The following CAVIN4 variants were observed in gnomAD, a reference collection of about 807,000 sequenced individuals.
The protein encoded by CAVIN4 is caveolae-associated protein 4.
In CAVIN4, 10 loss-of-function variants were observed where a neutral mutation model predicts 18.6. That is an observed-to-expected ratio of 0.54 (90% confidence interval 0.33 to 0.91). CAVIN4 has a LOEUF of 0.91. Among genes scored for constraint, CAVIN4 ranks in the 40% least tolerant of loss-of-function variants. The pLI is 0.02. For synonymous variants in CAVIN4, 173 were observed against 164.8 expected, an observed-to-expected ratio of 1.05 and a Z score of -0.38; for missense variants, 459 against 440.5, an observed-to-expected ratio of 1.04 and a Z score of -0.38.
In CAVIN4 at chr9:100,586,070, A is replaced by AGAGAGGCTGAGACAGTCAGGG. The variant is rs746462546; in HGVS notation, c.742_762dup (p.Leu248_Arg254dup). 10 of 1,603,546 alleles carry AGAGAGGCTGAGACAGTCAGGG rather than the reference A, an allele frequency of 6.2e-6. No homozygotes were observed. In the Admixed American group the frequency reaches 6.7e-5, roughly 11 times the overall value. ...GGAGAGAGAGGCTAAGGCAGTCAGG[A>AGAGAGGCTGAGACAGTCAGGG]GAGAGGCTGAGACAGTCAGGGGAGA... On this transcript the variant is annotated inframe_insertion, in exon 2 of 2. Transcript: ENST00000307584.
chr9:100,581,976 A>T (rs1392271160), intron 1 of CAVIN4, among the ~76,000 whole-genome samples: 1 of 152,206 alleles, frequency 6.6e-6, no homozygotes, highest in African/African-American at 2.4e-5. Flanking sequence ...AAAGAATTTA[A>T]TTTTAAATAA....
rs965605234 is a variant in CAVIN4 at position 100,588,073 on chromosome 9, T to G, written c.*1622T>G. Among the ~76,000 whole-genome samples the G allele has an allele frequency of 2.0e-5, 3 of 152,160 alleles. No homozygotes were observed. Among genetic ancestry groups the G allele is most frequent in the Non-Finnish European group, 4.4e-5 (3 of 68,012 alleles). The stretch of plus-strand genomic sequence containing the variant: ...TCAGATCAGTTTTTGGATAATCATA[T>G]GGTAGTTAAAATAATAAGTGTACAC... On this transcript the variant is annotated 3_prime_UTR_variant, in exon 2 of 2. Coordinates refer to ENST00000307584, the MANE Select transcript of CAVIN4 (RefSeq NM_001018116.2).
At chr9:100,580,863 A>C (rs1340690129) in intron 1 of CAVIN4, among the ~76,000 whole-genome samples, 4 of 152,250 alleles carry the variant, frequency 2.6e-5, no homozygotes, top group African/African-American at 4.8e-5. Context: ...TAGAACTCTG[A>C]TTCAAAGATT....
At chr9:100,581,926 C>T (rs953897031) in intron 1 of CAVIN4, among the ~76,000 whole-genome samples, 4 of 152,164 alleles carry the variant, frequency 2.6e-5, no homozygotes, top group African/African-American at 4.8e-5. Context: ...GACGCCCACC[C>T]CTGCCTTTTT....
rs2118614144 is a variant in CAVIN4, at chr9:100,585,818, T to A, written c.462T>A (p.Thr154=). The change falls in exon 2 of 2, where the codon ACT becomes ACA. Residue 154 remains threonine, a synonymous_variant. Transcript: ENST00000307584. ...SLSVVKDRNL[T]ENQEEDDDDI... is the part of the protein sequence containing the mutation. Reference sequence around the variant, plus strand: ...CTGTTGTTAAAGACAGAAACCTAACTGAGAACCAAGAAGAGGATGATGATG... The same window carrying A: ...CTGTTGTTAAAGACAGAAACCTAACAGAGAACCAAGAAGAGGATGATGATG... 6.2e-7 allele frequency: 1 copy of A among 1,614,090 alleles called. No homozygotes were observed. Among genetic ancestry groups the A allele is most frequent in the Non-Finnish European group, 8.5e-7 (1 of 1,180,016 alleles).
chr9:100,577,852 T>C (rs754112234), upstream of CAVIN4, among the ~76,000 whole-genome samples: 4 of 152,206 alleles, frequency 2.6e-5, no homozygotes, highest in African/African-American at 4.8e-5. Flanking sequence ...ATTAGTTACA[T>C]GGTGGCTTTA....
intron 1 of CAVIN4, among the ~76,000 whole-genome samples, chr9:100,582,221 T>C (rs1414049089): frequency 6.6e-6 from 1 of 152,216 alleles, no homozygotes; most frequent in Non-Finnish European, 1.5e-5. Flanking sequence ...CCTATTCAGT[T>C]GGGTTCCTCT....
chr9:100,579,727 T>C (rs1238436809), intron 1 of CAVIN4, among the ~76,000 whole-genome samples: 1 of 152,152 alleles, frequency 6.6e-6, no homozygotes. Context: ...TAAAAATGAG[T>C]ACTTATGTAC....
Position 100,585,949 on chromosome 9 carries a change from T to C in CAVIN4, c.593T>C (p.Ile198Thr). The C allele has an allele frequency of 6.2e-7, 1 of 1,614,010 alleles. No individual in the cohort carries two copies. Among genetic ancestry groups the C allele is most frequent in the South Asian group, 1.1e-5 (1 of 91,054 alleles). The change falls in exon 2 of 2, where the codon ATC becomes ACC. Residue 198 changes from isoleucine to threonine, a missense_variant. Physicochemically the swap from Ile to Thr is moderately conservative, Grantham distance 89. Coordinates refer to ENST00000307584, the MANE Select transcript of CAVIN4 (RefSeq NM_001018116.2). ...TCAGGCAAGGAGCACATTGATAATA[T>C]CAAGAAGGCATTTTCCAAAGAAAAC... ...RKSGKEHIDN[I>T]KKAFSKENMQ... is the part of the protein sequence containing the mutation.
Position 100,586,426 on chromosome 9 carries a change from T to G in CAVIN4, c.1070T>G (p.Leu357Trp). ...QVKVEDDESL[L>W]LDLKHSS ...AAAGTAGAGGATGATGAATCTCTTT[T>G]GTTAGATTTAAAGCACTCATCGTAA... The change falls in exon 2 of 2, where the codon TTG becomes TGG. Residue 357 changes from leucine (L) to tryptophan (W), a missense_variant. By Grantham distance (61) the Leu-to-Trp change is moderately conservative. Transcript: ENST00000307584. The G allele has an allele frequency of 2.5e-6, 4 of 1,613,840 alleles. No individual in the cohort carries two copies. Among genetic ancestry groups the G allele is most frequent in the Non-Finnish European group, 2.5e-6 (3 of 1,180,010 alleles).
chr9:100,581,728 C>A (rs1390056320), intron 1 of CAVIN4, among the ~76,000 whole-genome samples: 5 of 152,154 alleles, frequency 3.3e-5, no homozygotes, highest in African/African-American at 1.2e-4. Context: ...TATCTGATTT[C>A]TTCACAGCAA....
intron 1 of CAVIN4, chr9:100,581,202 G>A (rs1454635923): frequency 6.6e-6 from 1 of 152,142 alleles, no homozygotes; most frequent in African/African-American, 2.4e-5. Flanking sequence ...CTTGACCAAA[G>A]ACTGGTCCTC....
chr9:100,578,476 A>C lies in CAVIN4; in HGVS notation c.333A>C (p.Gln111His), dbSNP rs1486495342. 6.2e-7 allele frequency: 1 copy of C among 1,613,878 alleles called. No individual in the cohort carries two copies. The highest frequency in any genetic ancestry group is 8.5e-7 in the Non-Finnish European group (1 of 1,179,972). ...KDVKARVEKQ[Q>H]IHVKKVEVKQ... ...TGAAAGCCCGGGTGGAGAAGCAACA[A>C]ATTCATGTTAAAAAAGTTGAAGTCA... The change falls in exon 1 of 2, where the codon CAA becomes CAC. Residue 111 changes from glutamine (Q) to histidine (H), a missense_variant. By Grantham distance (24) the Gln-to-His change is conservative (BLOSUM62 0). Transcript: ENST00000307584.
intron 1 of CAVIN4, among the ~76,000 whole-genome samples, chr9:100,585,018 C>T (rs1839462684): frequency 6.6e-6 from 1 of 152,146 alleles, no homozygotes; most frequent in Non-Finnish European, 1.5e-5. Flanking sequence ...AATTTGAGCT[C>T]TTCGTTGAGT....
At chr9:100,579,243 A>G (rs1564032750) in intron 1 of CAVIN4, among the ~76,000 whole-genome samples, 1 of 152,198 alleles carries the variant, frequency 6.6e-6, no homozygotes, top group African/African-American at 2.4e-5. Flanking sequence ...CTAAGTTCCC[A>G]TATTATTCTG....
upstream of CAVIN4, chr9:100,578,027 T>C (rs1226591): frequency 0.39 from 373,645 of 946,874 alleles, 77,032 homozygotes; most frequent in Admixed American, 0.49. Context: ...GACCGTTCTC[T>C]AGGGGTGGGG....
Position 100,586,140 on chromosome 9 carries a change from G to A in CAVIN4, c.784G>A (p.Ala262Thr), listed in dbSNP as rs1324156994. 9 of 1,579,762 alleles carry A rather than the reference G, an allele frequency of 5.7e-6. No individual in the cohort carries two copies. Among genetic ancestry groups the A allele is most frequent in the Non-Finnish European group, 7.7e-6 (9 of 1,164,878 alleles). Residue 262 changes from alanine to threonine, a missense_variant, in exon 2 of 2, where the codon GCA becomes ACA. By Grantham distance (58) the Ala-to-Thr change is moderately conservative. Coordinates refer to ENST00000307584, the MANE Select transcript of CAVIN4 (RefSeq NM_001018116.2). The stretch of plus-strand genomic sequence containing the variant: ...GAGGTTTAAGAAATCTATTTCTAAT[G>A]CAGCTCCCTCAAAGGAAGCTTTTAA... ...GERFKKSISN[A>T]APSKEAFKMR... is the part of the protein sequence containing the mutation.
At chr9:100,576,985 CA>C, upstream of CAVIN4, 3 of 157,490 alleles carry the variant, frequency 1.9e-5, no homozygotes, top group Non-Finnish European at 4.2e-5. Context: ...ACTTTTCTTA[CA>C]AAAAAAATCT....
At chr9:100,579,097 A>G (rs1010771032) in intron 1 of CAVIN4, among the ~76,000 whole-genome samples, 2 of 152,214 alleles carry the variant, frequency 1.3e-5, no homozygotes, top group Non-Finnish European at 2.9e-5. Context: ...CCAATGAACA[A>G]TGAGGCAATT....
Sources: gnomAD v4.1 joint callset for allele counts (sites outside exome capture counted in the v4.1 genomes callset) on GRCh38, gnomAD v4.1.1 for gene constraint, MANE v1.5 for transcripts, NCBI Gene and HGNC (gene_info 2026-07-23, HGNC 2026-07-21) for gene names.